The following STRN4 variants were observed in gnomAD, a reference collection of about 807,000 sequenced individuals.
STRN4 encodes the protein striatin-4.
In STRN4, 27 loss-of-function variants were observed where a neutral mutation model predicts 77.9. The ratio of observed to expected loss-of-function variants is 0.35; its 90% CI spans 0.26 to 0.48. STRN4 has a LOEUF of 0.48. STRN4 is among the 20% of genes least tolerant of loss of function. The pLI is 0.99. For synonymous variants in STRN4, 466 were observed against 443.1 expected, an observed-to-expected ratio of 1.05 and a Z score of -0.65; for missense variants, 798 against 1,049.7, an observed-to-expected ratio of 0.76 and a Z score of 3.31.
chr19:46,723,349 G>A lies in STRN4; in HGVS notation c.1595-65C>T. 6.8e-7 allele frequency: 1 copy of A among 1,478,344 alleles called. No homozygotes were observed. The highest frequency in any genetic ancestry group is 1.3e-5 in the South Asian group (1 of 77,484). 91.6% of individuals were successfully genotyped at this position (1,478,344 alleles called of 1,614,324 possible). ...TGCCAGCTCCTCCCTGGACAGCCCA[G>A]AGCCCCAGCTCTGCCAAGCCCCAGG... On this transcript the variant is annotated intron_variant, in intron 12 of 17. Transcript: ENST00000263280. This position sits in a 1 kb window ranked among gnomAD's most constrained non-coding sequence, Gnocchi z 5.5.
At position 46,746,227 on chromosome 19, in the gene STRN4, G is replaced by T. The variant is rs763969884; in HGVS notation, c.204C>A (p.Ile68=). ...CCCACTCGTGCTGGATAAAGTGCAG[G>T]ATCCCCGGCAGGCTCAGGGGCTCCG... ...AGPEPLSLPG[I]LHFIQHEWAR... Residue 68 remains isoleucine (I), a synonymous_variant, in exon 1 of 18, where the codon ATC becomes ATA. Transcript: ENST00000263280. 3.9e-6 allele frequency: 6 copies of T among 1,531,272 alleles called. No individual in the cohort carries two copies. Among genetic ancestry groups the T allele is most frequent in the Non-Finnish European group, 5.2e-6 (6 of 1,147,950 alleles). 94.9% of individuals were successfully genotyped at this position (1,531,272 alleles called of 1,614,324 possible). A position where few individuals can be genotyped will look rare whatever the true frequency, so the allele number is the denominator to read the frequency against.
Position 46,723,373 on chromosome 19 carries a change from G to A in STRN4, c.1595-89C>T, listed in dbSNP as rs1035478262. 41 of 1,438,218 alleles carry A rather than the reference G, an allele frequency of 2.9e-5. No individual in the cohort carries two copies. The highest frequency in any genetic ancestry group is 3.4e-5 in the Non-Finnish European group (37 of 1,089,324). The allele number at this position is 1,438,218 out of a possible 1,614,324, so 89.1% of individuals were successfully genotyped here. ...AGAGCCCCAGCTCTGCCAAGCCCCA[G>A]GCAGCTGGGCTCCAATCACCCACGC... On this transcript the variant is annotated intron_variant, in intron 12 of 17. Transcript: ENST00000263280. This position sits in a 1 kb window ranked among gnomAD's most constrained non-coding sequence, Gnocchi z 5.5.
At chr19:46,739,832 GT>G (rs2054441832) in intron 1 of STRN4, among the ~76,000 whole-genome samples, 1 of 152,234 alleles carries the variant, frequency 6.6e-6, no homozygotes. Flanking sequence ...CATGTGCTAG[GT>G]TCTGCTCAGT....
intron 8 of STRN4, 27 bp from the exon 9 acceptor site, chr19:46,727,573 A>AG: frequency 6.2e-7 from 1 of 1,606,826 alleles, no homozygotes; most frequent in Non-Finnish European, 8.5e-7. Context: ...GGAACCTGGT[A>AG]GGGGGAGGGG....
intron 7 of STRN4, 124 bp from the exon 8 acceptor site, chr19:46,728,131 G>T: frequency 1.1e-6 from 1 of 917,216 alleles, no homozygotes. Flanking sequence ...CTGGCCCTGG[G>T]GGAGGGGGGG....
intron 1 of STRN4, among the ~76,000 whole-genome samples, chr19:46,742,406 G>A (rs2054490617): frequency 6.6e-6 from 1 of 152,072 alleles, no homozygotes; most frequent in African/African-American, 2.4e-5. Flanking sequence ...GAGTCCATCA[G>A]GAAAATCTGA....
At chr19:46,732,910 G>T (rs1054467573) in intron 5 of STRN4, 129 bp downstream of exon 5, 2 of 1,111,028 alleles carry the variant, frequency 1.8e-6, no homozygotes, top group Non-Finnish European at 2.5e-6. Flanking sequence ...CAGAACAAGG[G>T]AGCCCACGGC....
intron 1 of STRN4, 118 bp downstream of exon 1, chr19:46,746,031 G>C (rs1374053392): frequency 8.8e-7 from 1 of 1,142,564 alleles, no homozygotes; most frequent in Non-Finnish European, 1.1e-6. Flanking sequence ...GTCCCCTCCC[G>C]CCCCCCCGCC....
chr19:46,730,958 G>T, intron 5 of STRN4, 85 bp from the exon 6 acceptor site: 1 of 1,570,862 alleles, frequency 6.4e-7, no homozygotes, highest in African/African-American at 1.3e-5. Flanking sequence ...AGGCTTGGTG[G>T]CCAGAGCCCA....
In STRN4 at chr19:46,723,267, G is replaced by T; in HGVS notation, c.1612C>A (p.His538Asn). ...YDGYDPSVLS[H>N]VLEGHGDAVW... Reference sequence around the variant, plus strand: ...GCGTCCCCGTGGCCCTCCAGGACGTGGCTCAGCACGCTTGGGTCTGCACCC... The same window carrying T: ...GCGTCCCCGTGGCCCTCCAGGACGTTGCTCAGCACGCTTGGGTCTGCACCC... Residue 538 changes from histidine to asparagine, a missense_variant, in exon 13 of 18, where the codon CAC (histidine) becomes AAC (asparagine). Around this residue, in one of 2 missense-constraint regions of STRN4, gnomAD observed 287 missense variants for 473.8 expected, o/e 0.61. Transcript: ENST00000263280. The surrounding 1 kb of genome is among the most constrained non-coding windows in gnomAD (Gnocchi z 5.5). 1.3e-6 allele frequency: 2 copies of T among 1,547,548 alleles called. No homozygotes were observed.
chr19:46,728,036 C>T (rs776340395), intron 7 of STRN4, 29 bp from the exon 8 acceptor site: 7 of 1,601,934 alleles, frequency 4.4e-6, no homozygotes, highest in Middle Eastern at 1.7e-4. Flanking sequence ...GGGCCGGAGT[C>T]ACCCAGCAGT....
In STRN4 at chr19:46,733,079, C is replaced by T. The variant is rs199516622; in HGVS notation, c.697G>A (p.Glu233Lys). 1.2e-5 allele frequency: 20 copies of T among 1,613,420 alleles called. 1 individual carries two copies. The East Asian group carries it at 4.5e-4, about 36-fold the overall frequency. The change falls in exon 5 of 18, where the codon GAG becomes AAG. Residue 233 changes from glutamate to lysine, a missense_variant. Physicochemically the swap from Glu to Lys is moderately conservative, Grantham distance 56 (BLOSUM62 1). This residue lies in a region of STRN4 where 511 missense variants were observed against 575.9 expected (regional missense o/e 0.89). Transcript: ENST00000263280. This position sits in a 1 kb window ranked among gnomAD's most constrained non-coding sequence, Gnocchi z 4.3. ...TCGATCTGTTTCACCAGCAGCGACT[C>T]CCCACCACTGAGCCCTGCAGGGCCT... ...PPGPAGLSGGESLLVKQIEEQ... is the reference protein window; with the variant it reads ...PPGPAGLSGGKSLLVKQIEEQ...
chr19:46,724,751 AG>A, intron 12 of STRN4, 55 bp downstream of exon 12: 1 of 1,612,268 alleles, frequency 6.2e-7, no homozygotes. Context: ...GTGTGCGTGG[AG>A]GGGACGGCCA....
chr19:46,736,845 C>T lies in STRN4; in HGVS notation c.517G>A (p.Glu173Lys). ...TLENSPLVWK[E>K]GRQLLRQYLE... ...CACTGTCGGAGAAGCTGCCGCCCCT[C>T]CTTCCACACCAACGGGCTGTTCTCC... The change falls in exon 4 of 18, where the codon GAG becomes AAG. Residue 173 changes from glutamate (E) to lysine (K), a missense_variant. This residue lies in a region of STRN4 where 511 missense variants were observed against 575.9 expected (regional missense o/e 0.89). Transcript: ENST00000263280. 6.2e-7 allele frequency: 1 copy of T among 1,613,568 alleles called. No individual in the cohort carries two copies. The highest frequency in any genetic ancestry group is 8.5e-7 in the Non-Finnish European group (1 of 1,179,734).
At chr19:46,736,668 G>A (rs1290104099) in intron 4 of STRN4, among the ~76,000 whole-genome samples, 155 bp downstream of exon 4, 2 of 149,698 alleles carry the variant, frequency 1.3e-5, no homozygotes, top group Admixed American at 6.7e-5. Context: ...GCCAGGCTCC[G>A]CCCACAGGGT....
In STRN4 at chr19:46,738,041, C is replaced by T; in HGVS notation, c.460+123G>A. 9.9e-7 allele frequency: 1 copy of T among 1,005,580 alleles called. No individual in the cohort carries two copies. Among genetic ancestry groups the T allele is most frequent in the Non-Finnish European group, 1.6e-6 (1 of 639,238 alleles). The allele number at this position is 1,005,580 out of a possible 1,614,324, so 62.3% of individuals were successfully genotyped here. On this transcript the variant is annotated intron_variant, in intron 3 of 17. Transcript: ENST00000263280. The surrounding 1 kb of genome is among the most constrained non-coding windows in gnomAD (Gnocchi z 4.5). ...GAGTGAGATTCCGCCCCTCCCCAGC[C>T]CCGGGGCCGATTCTGCCTTCTAAGG...
intron 9 of STRN4, 147 bp from the exon 10 acceptor site, chr19:46,725,795 C>CT (rs2054097855): frequency 1.0e-6 from 1 of 990,928 alleles, no homozygotes; most frequent in South Asian, 1.7e-5. Context: ...GCCGGGAACT[C>CT]TCCCCTTCCT....
intron 5 of STRN4, 162 bp from the exon 6 acceptor site, chr19:46,731,035 C>T (rs1343142796): frequency 5.2e-6 from 5 of 957,372 alleles, no homozygotes; most frequent in East Asian, 2.6e-5. Context: ...CCAACCCCAG[C>T]CTCTGCCCAA....
Position 46,733,257 on chromosome 19 carries a change from G to T in STRN4, c.540-21C>A, listed in dbSNP as rs781771966. ...GGTACCTGCAGGGGTGCAGAGCCAC[G>T]TGGGTCAGACATCCCCTGGGCTTCT... On this transcript the variant is annotated intron_variant, in intron 4 of 17. Transcript: ENST00000263280. This position sits in a 1 kb window ranked among gnomAD's most constrained non-coding sequence, Gnocchi z 4.3. The T allele has an allele frequency of 6.2e-7, 1 of 1,604,024 alleles. No homozygotes were observed. Among genetic ancestry groups the T allele is most frequent in the Non-Finnish European group, 8.5e-7 (1 of 1,178,216 alleles).
Sources: allele counts gnomAD v4.1 joint callset (sites outside exome capture counted in the v4.1 genomes callset), GRCh38; gene constraint gnomAD v4.1.1; regional missense constraint gnomAD v4.1.1; non-coding constraint Gnocchi (gnomAD v3.1); transcripts MANE v1.5; gene names NCBI Gene and HGNC (gene_info 2026-07-23, HGNC 2026-07-21).